Variants in OPRM1 observed in about 807,000 individuals in gnomAD.
OPRM1 encodes mu-type opioid receptor.
In OPRM1, 27 loss-of-function variants were observed where a neutral mutation model predicts 31.8. The ratio of observed to expected loss-of-function variants is 0.85; its 90% CI spans 0.63 to 1.17. The LOEUF is 1.17. Among genes scored for constraint, OPRM1 ranks in the 50% most tolerant of loss-of-function variants. OPRM1 has a pLI of 0.00. For synonymous variants in OPRM1, 196 were observed against 189.9 expected, an observed-to-expected ratio of 1.03 and a Z score of -0.26; for missense variants, 536 against 511.1, an observed-to-expected ratio of 1.05 and a Z score of -0.47.
intron 3 of OPRM1, chr6:154,158,996 A>C (rs1269537402): frequency 6.6e-6 from 1 of 152,190 alleles, no homozygotes; most frequent in Non-Finnish European, 1.5e-5. Context: ...CCTGGATATA[A>C]ATTCACACTA....
intron 1 of OPRM1, among the ~76,000 whole-genome samples, chr6:154,017,209 A>G (rs1232976470): frequency 3.3e-5 from 5 of 152,022 alleles, no homozygotes; most frequent in African/African-American, 1.2e-4. Flanking sequence ...AAACCAGGGA[A>G]TTTGTGTTTT....
At chr6:154,141,046 C>A (rs1425218027) in intron 3 of OPRM1, among the ~76,000 whole-genome samples, 1 of 152,192 alleles carries the variant, frequency 6.6e-6, no homozygotes, top group Non-Finnish European at 1.5e-5. Flanking sequence ...CCTTGGTGGT[C>A]TCATGGTTAA....
intron 3 of OPRM1, among the ~76,000 whole-genome samples, chr6:154,223,927 C>T (rs752446854): frequency 4.3e-4 from 65 of 152,250 alleles, no homozygotes; most frequent in Middle Eastern, 3.4e-3. Flanking sequence ...TTTATGAGGA[C>T]GTAGCATAAA....
At position 154,131,946 on chromosome 6, in the gene OPRM1, T is replaced by G. The variant is rs574096509; in HGVS notation, c.*13225T>G. 3.3e-5 allele frequency among the ~76,000 whole-genome samples: 5 copies of G among 151,494 alleles called. No individual in the cohort carries two copies. In the South Asian group the frequency reaches 1.0e-3, roughly 31 times the overall value. Reference sequence around the variant, plus strand: ...GAGTTTTTCTATAAGTTTTTGGTTTTTTTTTTTTTTTCTCTTCATTAGTGT... The same window carrying G: ...GAGTTTTTCTATAAGTTTTTGGTTTGTTTTTTTTTTTCTCTTCATTAGTGT... On this transcript the variant is annotated 3_prime_UTR_variant, in exon 4 of 4. Transcript: ENST00000330432.
chr6:154,184,645 A>G (rs1247578373), intron 3 of OPRM1, among the ~76,000 whole-genome samples: 1 of 152,196 alleles, frequency 6.6e-6, no homozygotes, highest in African/African-American at 2.4e-5. Flanking sequence ...TAGTGCCTAT[A>G]ACAGATATTA....
chr6:154,036,818 A>G (rs1779330006), upstream of OPRM1, among the ~76,000 whole-genome samples: 1 of 151,826 alleles, frequency 6.6e-6, no homozygotes, highest in African/African-American at 2.4e-5. Context: ...TATGCTAATC[A>G]TTTTTTCAAC....
rs575326465 is a variant in OPRM1, at chr6:154,120,980, C to T, written c.*2259C>T. Among the ~76,000 whole-genome samples the T allele has an allele frequency of 4.6e-5, 7 of 152,274 alleles. No homozygotes were observed. The highest frequency in any genetic ancestry group is 3.3e-4 in the Admixed American group (5 of 15,276). ...AAATAATAAATAAGGTCATTGTCAACGTTTTTCATTCAAAACCATTTTTTA... is the reference window on the plus strand; with the variant it reads ...AAATAATAAATAAGGTCATTGTCAATGTTTTTCATTCAAAACCATTTTTTA... On this transcript the variant is annotated 3_prime_UTR_variant, in exon 4 of 4. Transcript: ENST00000330432.
At chr6:154,080,050 A>T (rs1312210531) in intron 1 of OPRM1, among the ~76,000 whole-genome samples, 1 of 152,142 alleles carries the variant, frequency 6.6e-6, no homozygotes, top group African/African-American at 2.4e-5. Context: ...TTAATGAAAA[A>T]TTTATTTATT....
downstream of OPRM1, among the ~76,000 whole-genome samples, chr6:154,136,941 A>G (rs1456834481): frequency 1.3e-5 from 2 of 152,232 alleles, no homozygotes; most frequent in Non-Finnish European, 2.9e-5. Flanking sequence ...AAACCTTTTA[A>G]TGATAACAAA....
chr6:154,168,203 C>T lies in OPRM1; in HGVS notation c.1164+76731C>T. On this transcript the variant is annotated intron_variant, in intron 3 of 3. Transcript: ENST00000337049. The surrounding 1 kb of genome is among the most constrained non-coding windows in gnomAD (Gnocchi z 4.1). ...CAATACTGTGGTCCCAAGGCACGGC[C>T]CCACTGGCACCCTCATCTCAGACTT... is the stretch of plus-strand genomic sequence containing the variant. 1.2e-6 allele frequency: 1 copy of T among 854,926 alleles called. No homozygotes were observed. The highest frequency in any genetic ancestry group is 1.8e-6 in the Non-Finnish European group (1 of 568,022). The allele number at this position is 854,926 out of a possible 1,614,324, so 53.0% of individuals were successfully genotyped here.
At chr6:154,228,982 T>G (rs1377532798) in intron 3 of OPRM1, among the ~76,000 whole-genome samples, 2 of 152,208 alleles carry the variant, frequency 1.3e-5, no homozygotes, top group African/African-American at 4.8e-5. Context: ...CCTTCCTACC[T>G]CATTCCCCTA....
intron 3 of OPRM1, among the ~76,000 whole-genome samples, chr6:154,182,598 T>C (rs1376849008): frequency 6.6e-6 from 1 of 152,208 alleles, no homozygotes; most frequent in Non-Finnish European, 1.5e-5. Context: ...ACAGAAAACG[T>C]TGGTGTACAT....
At chr6:154,169,310 G>A (rs1799686170) in intron 3 of OPRM1, among the ~76,000 whole-genome samples, 1 of 152,106 alleles carries the variant, frequency 6.6e-6, no homozygotes, top group Admixed American at 6.5e-5. Flanking sequence ...GCAGTGAGCT[G>A]AGATCACACC....
At chr6:154,096,910 G>C (rs1793493104) in intron 3 of OPRM1, among the ~76,000 whole-genome samples, 1 of 152,066 alleles carries the variant, frequency 6.6e-6, no homozygotes, top group South Asian at 2.1e-4. Flanking sequence ...GTTATGTGAG[G>C]GTCCAAGAAT....
At chr6:154,226,382 C>T (rs543050261) in intron 3 of OPRM1, among the ~76,000 whole-genome samples, 72 of 152,306 alleles carry the variant, frequency 4.7e-4, no homozygotes, top group Middle Eastern at 3.4e-3. Context: ...TTATCTTACT[C>T]CATAAAATGC....
chr6:154,136,620 C>G (rs1367000384), downstream of OPRM1, among the ~76,000 whole-genome samples: 1 of 152,180 alleles, frequency 6.6e-6, no homozygotes, highest in Non-Finnish European at 1.5e-5. Context: ...GGGCCCTCTT[C>G]CTGCACTGGC....
intron 3 of OPRM1, among the ~76,000 whole-genome samples, chr6:154,098,197 C>G (rs1286885428): frequency 1.3e-5 from 2 of 152,212 alleles, no homozygotes; most frequent in Non-Finnish European, 2.9e-5. Context: ...CTATTTTTCA[C>G]TCTTCTCAGC....
intron 3 of OPRM1, among the ~76,000 whole-genome samples, chr6:154,195,143 C>CTTTT (rs1162086187): frequency 4.4e-4 from 59 of 133,514 alleles, no homozygotes; most frequent in African/African-American, 1.6e-3. Flanking sequence ...TTTTTCTTTT[C>CTTTT]TTTCTTTTTT....
chr6:154,223,217 G>T, intron 3 of OPRM1: 1 of 1,613,568 alleles, frequency 6.2e-7, no homozygotes, highest in South Asian at 1.1e-5. Flanking sequence ...AATCAGGCAG[G>T]TTGACAAATC....
Sources: allele counts gnomAD v4.1 joint callset (sites outside exome capture counted in the v4.1 genomes callset), GRCh38; gene constraint gnomAD v4.1.1; non-coding constraint Gnocchi (gnomAD v3.1); transcripts MANE v1.5; gene names NCBI Gene and HGNC (gene_info 2026-07-23, HGNC 2026-07-21).